The following NUBPL variants were observed in gnomAD, a reference collection of about 807,000 sequenced individuals.
NUBPL encodes iron-sulfur cluster transfer protein NUBPL.
A neutral mutation model predicts 45.7 loss-of-function variants in NUBPL; 31 were observed. The observed-to-expected ratio is 0.68, with a 90% confidence interval of 0.51 to 0.92. NUBPL has a LOEUF of 0.92. Ranked by LOEUF, NUBPL falls within the 40% of genes least tolerant of loss-of-function variation. NUBPL has a pLI of 0.00. For synonymous variants in NUBPL, 144 were observed against 140.9 expected, an observed-to-expected ratio of 1.02 and a Z score of -0.15; for missense variants, 401 against 398.7, an observed-to-expected ratio of 1.01 and a Z score of -0.05.
intron 8 of NUBPL, among the ~76,000 whole-genome samples, chr14:31,843,137 G>A (rs2138983549): frequency 6.6e-6 from 1 of 152,300 alleles, no homozygotes; most frequent in South Asian, 2.1e-4. Context: ...GACTGATACA[G>A]CAGCCACCAG....
intron 4 of NUBPL, among the ~76,000 whole-genome samples, chr14:31,612,875 C>T (rs1465368100): frequency 6.6e-6 from 1 of 151,966 alleles, no homozygotes; most frequent in African/African-American, 2.4e-5. Context: ...CTATGGAGAA[C>T]AATTTGGAAG....
At chr14:31,654,185 A>G in intron 4 of NUBPL, 1 of 447,998 alleles carries the variant, frequency 2.2e-6, no homozygotes, top group Admixed American at 2.4e-5. Flanking sequence ...AGTTATGTTT[A>G]CACTATACTG....
intron 4 of NUBPL, among the ~76,000 whole-genome samples, chr14:31,601,498 T>G (rs2034433134): frequency 6.6e-6 from 1 of 152,104 alleles, no homozygotes; most frequent in Admixed American, 6.5e-5. Context: ...TTCCTAGGTA[T>G]TTTATTCTCC....
intron 4 of NUBPL, among the ~76,000 whole-genome samples, chr14:31,607,306 C>G (rs576621129): frequency 1.2e-4 from 18 of 151,528 alleles, no homozygotes; most frequent in Non-Finnish European, 2.5e-4. Context: ...TTGCTTGAAC[C>G]TGGGAGGTGG....
intron 4 of NUBPL, among the ~76,000 whole-genome samples, chr14:31,610,063 A>G (rs527267911): frequency 6.6e-6 from 1 of 152,260 alleles, no homozygotes; most frequent in Non-Finnish European, 1.5e-5. Context: ...AAGACATAAT[A>G]AAGATCAGAG....
chr14:31,728,660 T>C (rs1223479762), intron 6 of NUBPL, among the ~76,000 whole-genome samples: 1 of 152,134 alleles, frequency 6.6e-6, no homozygotes, highest in Non-Finnish European at 1.5e-5. Flanking sequence ...AGACAACTAT[T>C]CACTTTCTCA....
chr14:31,829,163 G>A (rs996379883), intron 8 of NUBPL, among the ~76,000 whole-genome samples: 55 of 152,130 alleles, frequency 3.6e-4, no homozygotes, highest in African/African-American at 1.2e-3. Flanking sequence ...AGTGGGAGTA[G>A]AAATGAAAGT....
At chr14:31,693,819 A>C (rs28477161) in intron 6 of NUBPL, among the ~76,000 whole-genome samples, 6,446 of 145,598 alleles carry the variant, frequency 0.044, 284 homozygotes, top group African/African-American at 0.1. Flanking sequence ...AAAAAAAAAA[A>C]AAAACCTTTA....
At chr14:31,682,792 T>C (rs2036862483) in intron 6 of NUBPL, among the ~76,000 whole-genome samples, 1 of 152,164 alleles carries the variant, frequency 6.6e-6, no homozygotes, top group Non-Finnish European at 1.5e-5. Context: ...TCTCAGTCCA[T>C]TTAGTGTTGC....
At chr14:31,748,188 A>G (rs1415887424) in intron 6 of NUBPL, among the ~76,000 whole-genome samples, 1 of 152,110 alleles carries the variant, frequency 6.6e-6, no homozygotes, top group Non-Finnish European at 1.5e-5. Flanking sequence ...CAGTTTTTAA[A>G]AATTTGTTGA....
intron 8 of NUBPL, among the ~76,000 whole-genome samples, chr14:31,834,461 G>C (rs1046777207): frequency 6.6e-6 from 1 of 152,162 alleles, no homozygotes; most frequent in Admixed American, 6.5e-5. Flanking sequence ...TTACAGGCGT[G>C]AGCCACTGCG....
chr14:31,682,157 A>ATT (rs1341129376), intron 6 of NUBPL, among the ~76,000 whole-genome samples: 1 of 151,836 alleles, frequency 6.6e-6, no homozygotes, highest in Non-Finnish European at 1.5e-5. Context: ...ATATTTGCCC[A>ATT]TTTCTCTCTC....
intron 6 of NUBPL, among the ~76,000 whole-genome samples, chr14:31,726,172 G>A (rs1371850180): frequency 2.0e-5 from 3 of 152,124 alleles, no homozygotes; most frequent in Admixed American, 1.3e-4. Flanking sequence ...CTAATTAATG[G>A]CCTAAAGTCA....
intron 4 of NUBPL, among the ~76,000 whole-genome samples, chr14:31,614,372 T>G (rs1028059364): frequency 4.6e-5 from 7 of 152,218 alleles, no homozygotes; most frequent in African/African-American, 1.7e-4. Context: ...GACAGCTCTC[T>G]TTGAATATAT....
chr14:31,608,280 G>A (rs1209329822), intron 4 of NUBPL, among the ~76,000 whole-genome samples: 2 of 152,224 alleles, frequency 1.3e-5, no homozygotes. Flanking sequence ...TAGGCTGAGT[G>A]TAGTGGCTCA....
intron 6 of NUBPL, among the ~76,000 whole-genome samples, chr14:31,759,933 G>T (rs1299081438): frequency 2.0e-5 from 3 of 151,020 alleles, no homozygotes; most frequent in Admixed American, 6.6e-5. Flanking sequence ...ATGATGTTTG[G>T]TAGATTAGTT....
chr14:31,618,168 C>T (rs1041676687), intron 4 of NUBPL, among the ~76,000 whole-genome samples: 1 of 151,968 alleles, frequency 6.6e-6, no homozygotes, highest in African/African-American at 2.4e-5. Context: ...TCTCTCTTTT[C>T]TTCTTTATTA....
intron 6 of NUBPL, among the ~76,000 whole-genome samples, chr14:31,701,449 C>G (rs1446809813): frequency 6.6e-6 from 1 of 152,218 alleles, no homozygotes; most frequent in African/African-American, 2.4e-5. Context: ...GCAGGCTGCC[C>G]AAGCCAGCAG....
At chr14:31,672,290 T>A (rs1392332062) in intron 4 of NUBPL, among the ~76,000 whole-genome samples, 2 of 151,862 alleles carry the variant, frequency 1.3e-5, no homozygotes, top group Non-Finnish European at 2.9e-5. Context: ...TGTGTGTGTG[T>A]GTGTGTGTGT....
Sources: allele counts gnomAD v4.1 joint callset (sites outside exome capture counted in the v4.1 genomes callset), GRCh38; gene constraint gnomAD v4.1.1; transcripts MANE v1.5; gene names NCBI Gene and HGNC (gene_info 2026-07-23, HGNC 2026-07-21).